LIN9: variants seen among roughly 807,000 people sequenced by gnomAD.
The protein encoded by LIN9 is protein lin-9 homolog.
LIN9 carries 18 observed loss-of-function variants against 78.0 expected under a neutral mutation model. The observed-to-expected ratio is 0.23, with a 90% CI of 0.16 to 0.34. LIN9 has a LOEUF of 0.34. LIN9 is among the 10% of genes least tolerant of loss of function. LIN9 has a pLI of 1.00. For missense variants in LIN9, 451 were observed against 644.1 expected, an observed-to-expected ratio of 0.70 and a Z score of 3.25; for synonymous variants, 192 against 215.2, an observed-to-expected ratio of 0.89 and a Z score of 0.94.
At chr1:226,299,219 G>A (rs1023291286) in intron 2 of LIN9, among the ~76,000 whole-genome samples, 1 of 151,964 alleles carries the variant, frequency 6.6e-6, no homozygotes, top group African/African-American at 2.4e-5. Context: ...CAAGATGAAT[G>A]AGTGCCGGGT....
intron 6 of LIN9, 137 bp from the exon 7 acceptor site, chr1:226,278,069 T>C (rs527887173): frequency 1.1e-5 from 7 of 626,466 alleles, no homozygotes; most frequent in Admixed American, 3.0e-5. Flanking sequence ...CTTGGCTCAC[T>C]GCAACCTCCA....
rs192260884 is a variant in LIN9, at chr1:226,254,757, A to G, written c.1039-3838T>C. ...AAACCCCATCTCTACTAAAAATACA[A>G]AAAATTAGCCGGGCGTAGTGGAGGG... On this transcript the variant is annotated intron_variant, in intron 10 of 14. Transcript: ENST00000681046. Among the ~76,000 whole-genome samples, 669 of 151,958 alleles carry G rather than the reference A, an allele frequency of 4.4e-3. 5 individuals carry two copies. Among genetic ancestry groups the G allele is most frequent in the African/African-American group, 0.015 (637 of 41,438 alleles).
At chr1:226,244,847 A>G (rs1346720137) in intron 11 of LIN9, among the ~76,000 whole-genome samples, 1 of 152,244 alleles carries the variant, frequency 6.6e-6, no homozygotes, top group Non-Finnish European at 1.5e-5. Context: ...ACCTTCCAAA[A>G]AGACTTCAAT....
chr1:226,291,170 A>C (rs960700501), intron 4 of LIN9, among the ~76,000 whole-genome samples: 13 of 152,208 alleles, frequency 8.5e-5, no homozygotes, highest in African/African-American at 2.9e-4. Flanking sequence ...AAAACTTGCA[A>C]ATTTATACAA....
chr1:226,273,833 A>AC (rs1477678461), intron 7 of LIN9, among the ~76,000 whole-genome samples: 22 of 112,778 alleles, frequency 2.0e-4, no homozygotes, highest in African/African-American at 7.3e-4. Flanking sequence ...TCTCAACATT[A>AC]CTTTTTTTTT....
At position 226,233,382 on chromosome 1, in the gene LIN9, A is replaced by G. The variant is rs1657474558; in HGVS notation, c.1387T>C (p.Leu463=). The G allele has an allele frequency of 6.2e-7, 1 of 1,613,108 alleles. No individual in the cohort carries two copies. The highest frequency in any genetic ancestry group is 1.7e-5 in the Admixed American group (1 of 59,786). ...PCVENENLTD[L]ISRLTAILLQ... is the part of the protein sequence containing the mutation. ...AAAATAGCTGTAAGCCTGGAAATTA[A>G]GTCTGTCAGATTTTCATTTTCAACG... Residue 463 remains leucine (L), a synonymous_variant, in exon 13 of 15, where the codon TTA becomes CTA. Coordinates refer to ENST00000681046, the MANE Select transcript of LIN9 (RefSeq NM_001366245.2).
At chr1:226,261,582 A>G (rs1476390076) in intron 10 of LIN9, among the ~76,000 whole-genome samples, 2 of 152,226 alleles carry the variant, frequency 1.3e-5, no homozygotes, top group African/African-American at 4.8e-5. Context: ...ACAAATATGT[A>G]CAAGACCTAT....
At chr1:226,268,438 C>G (rs750975512) in intron 7 of LIN9, among the ~76,000 whole-genome samples, 39 of 152,112 alleles carry the variant, frequency 2.6e-4, no homozygotes, top group Non-Finnish European at 2.2e-4. Context: ...AAAAAAAAGA[C>G]AAAGATGTTG....
chr1:226,290,166 C>T (rs528128684), intron 4 of LIN9, among the ~76,000 whole-genome samples: 37 of 151,840 alleles, frequency 2.4e-4, no homozygotes, highest in African/African-American at 8.7e-4. Context: ...TTAATATATA[C>T]AAAATTCTTA....
At chr1:226,234,569 AG>A (rs535000389) in intron 12 of LIN9, among the ~76,000 whole-genome samples, 110 of 152,298 alleles carry the variant, frequency 7.2e-4, no homozygotes, top group Middle Eastern at 3.4e-3. Flanking sequence ...TGGCATAATA[AG>A]GTGGGCCGGG....
In LIN9 at chr1:226,286,396, T is replaced by A; in HGVS notation, c.461A>T (p.Lys154Ile). The A allele has an allele frequency of 6.2e-7, 1 of 1,612,776 alleles. No homozygotes were observed. The highest frequency in any genetic ancestry group is 1.1e-5 in the South Asian group (1 of 90,794). The change falls in exon 6 of 15, where the codon AAA becomes ATA. Residue 154 changes from lysine (K) to isoleucine (I), a missense_variant. Physicochemically the swap from Lys to Ile is moderately radical, Grantham distance 102. Coordinates refer to ENST00000681046, the MANE Select transcript of LIN9 (RefSeq NM_001366245.2). ...TTCTACTCTTGTTAACTTTCTTGTTTTCAAATTAGGAAAAGATTCCTTTAG... is the reference window on the plus strand; with the variant it reads ...TTCTACTCTTGTTAACTTTCTTGTTATCAAATTAGGAAAAGATTCCTTTAG... ...VCLKESFPNL[K>I]TRKLTRVEWG...
intron 2 of LIN9, among the ~76,000 whole-genome samples, chr1:226,298,588 C>CT (rs1287957850): frequency 4.6e-5 from 7 of 152,206 alleles, no homozygotes; most frequent in Non-Finnish European, 7.3e-5. Context: ...AGGCCAGGTG[C>CT]AATGGCTCAT....
chr1:226,272,682 T>C (rs530425554), intron 7 of LIN9, among the ~76,000 whole-genome samples: 1 of 152,122 alleles, frequency 6.6e-6, no homozygotes, highest in East Asian at 1.9e-4. Context: ...TGCTGGCTCC[T>C]TGCTTCTAGC....
At chr1:226,292,515 G>A (rs1471930112) in intron 4 of LIN9, among the ~76,000 whole-genome samples, 1 of 152,120 alleles carries the variant, frequency 6.6e-6, no homozygotes, top group Non-Finnish European at 1.5e-5. Flanking sequence ...GGACTGTAGT[G>A]GTCTGATCAT....
At chr1:226,288,597 G>A (rs1322421499) in intron 4 of LIN9, among the ~76,000 whole-genome samples, 1 of 151,976 alleles carries the variant, frequency 6.6e-6, no homozygotes, top group Non-Finnish European at 1.5e-5. Context: ...CAAAAACCAT[G>A]ATTCAAAAAA....
chr1:226,254,910 CAAAA>C (rs78061206), intron 10 of LIN9, among the ~76,000 whole-genome samples: 1 of 50,722 alleles, frequency 2.0e-5, no homozygotes, highest in Non-Finnish European at 4.1e-5. Context: ...GACTCTGTCT[CAAAA>C]AAAAAAAAAA....
At chr1:226,276,481 C>T (rs1036481411) in intron 7 of LIN9, among the ~76,000 whole-genome samples, 1 of 152,070 alleles carries the variant, frequency 6.6e-6, no homozygotes, top group African/African-American at 2.4e-5. Flanking sequence ...CATTTATTAC[C>T]AAATCTAGTC....
chr1:226,259,664 T>C (rs763278143), intron 10 of LIN9, among the ~76,000 whole-genome samples: 17 of 152,062 alleles, frequency 1.1e-4, no homozygotes, highest in Non-Finnish European at 2.2e-4. Context: ...CGAAGATATG[T>C]CTAAATAATA....
At chr1:226,255,026 C>T (rs1659099014) in intron 10 of LIN9, among the ~76,000 whole-genome samples, 1 of 151,466 alleles carries the variant, frequency 6.6e-6, no homozygotes, top group African/African-American at 2.4e-5. Context: ...TGTAGAATCA[C>T]AATTTACTGG....
Sources: gnomAD v4.1 joint callset for allele counts (sites outside exome capture counted in the v4.1 genomes callset) on GRCh38, gnomAD v4.1.1 for gene constraint, MANE v1.5 for transcripts, NCBI Gene and HGNC (gene_info 2026-07-23, HGNC 2026-07-21) for gene names.